The following LIMS1 variants were observed in gnomAD, a reference collection of about 807,000 sequenced individuals.
The protein encoded by LIMS1 is LIM and senescent cell antigen-like-containing domain protein 1.
LIMS1 carries 18 observed loss-of-function variants against 44.1 expected under a neutral mutation model. The ratio of observed to expected loss-of-function variants is 0.41; its 90% CI spans 0.28 to 0.61. The LOEUF (loss-of-function observed/expected upper bound fraction) is 0.61, where lower values mean the gene tolerates loss of function less well. LIMS1 is among the 20% of genes least tolerant of loss of function. The probability of loss-of-function intolerance (pLI) is 0.32; values close to 1 mark genes in which losing one functional copy is unlikely to be tolerated. For missense variants in LIMS1, 201 were observed against 422.0 expected (o/e 0.48, Z 4.59); for synonymous variants, 93 against 149.1 (o/e 0.62, Z 2.74).
At chr2:108,632,164 G>A (rs1688970203) in intron 1 of LIMS1, among the ~76,000 whole-genome samples, 1 of 152,082 alleles carries the variant, frequency 6.6e-6, no homozygotes, top group Non-Finnish European at 1.5e-5. Flanking sequence ...TAGTGACGAG[G>A]TTTCCCATTT....
At chr2:108,679,760 A>T (rs1380343478) in intron 8 of LIMS1, among the ~76,000 whole-genome samples, 3 of 151,646 alleles carry the variant, frequency 2.0e-5, no homozygotes, top group Admixed American at 6.6e-5. Context: ...TCTACAAAAT[A>T]AAAAATTAGC....
intron 1 of LIMS1, among the ~76,000 whole-genome samples, chr2:108,611,219 G>A (rs1051983384): frequency 6.6e-6 from 1 of 152,128 alleles, no homozygotes; most frequent in Non-Finnish European, 1.5e-5. Flanking sequence ...CATCACCTTT[G>A]AAATGGGAAT....
At chr2:108,542,167 C>T (rs1406732576) in intron 1 of LIMS1, among the ~76,000 whole-genome samples, 4 of 152,096 alleles carry the variant, frequency 2.6e-5, no homozygotes, top group African/African-American at 9.7e-5. Flanking sequence ...GGATCATTTT[C>T]TTTGGTTTAG....
chr2:108,596,949 C>G (rs1372063247), intron 1 of LIMS1, among the ~76,000 whole-genome samples: 2 of 94,246 alleles, frequency 2.1e-5, no homozygotes, highest in South Asian at 3.9e-4. Context: ...GAGTCTTGCT[C>G]TGTTGCTGAG....
At chr2:108,580,251 A>T (rs1412716863) in intron 1 of LIMS1, among the ~76,000 whole-genome samples, 1 of 152,090 alleles carries the variant, frequency 6.6e-6, no homozygotes, top group East Asian at 1.9e-4. Context: ...ACTTCCTCTA[A>T]CTGCAGGGTG....
At chr2:108,607,854 T>C (rs1158017739) in intron 1 of LIMS1, among the ~76,000 whole-genome samples, 1 of 152,184 alleles carries the variant, frequency 6.6e-6, no homozygotes, top group Non-Finnish European at 1.5e-5. Context: ...GTGATATTGG[T>C]CTCAGAGTTA....
At chr2:108,600,277 C>G (rs1184563054) in intron 1 of LIMS1, among the ~76,000 whole-genome samples, 3 of 151,422 alleles carry the variant, frequency 2.0e-5, no homozygotes, top group African/African-American at 7.3e-5. Context: ...TCTTGAACTC[C>G]TTACCTCAGG....
chr2:108,545,944 C>A (rs1263470507), intron 1 of LIMS1, among the ~76,000 whole-genome samples: 1 of 152,170 alleles, frequency 6.6e-6, no homozygotes, highest in Non-Finnish European at 1.5e-5. Flanking sequence ...ATTGCAGGTC[C>A]TAGCTGCTGT....
intron 1 of LIMS1, among the ~76,000 whole-genome samples, chr2:108,563,318 C>G (rs930787465): frequency 2.0e-5 from 3 of 152,210 alleles, no homozygotes; most frequent in African/African-American, 7.2e-5. Context: ...GGTGATTCCT[C>G]TAATGGATCT....
intron 1 of LIMS1, among the ~76,000 whole-genome samples, chr2:108,651,501 C>T (rs1387266070): frequency 1.3e-5 from 2 of 152,282 alleles, no homozygotes; most frequent in East Asian, 1.9e-4. Context: ...ACCTGTTTTA[C>T]ATTCATATAA....
Position 108,566,713 on chromosome 2 carries a change from C to T in LIMS1, c.32+32119C>T, listed in dbSNP as rs190052912. Among the ~76,000 whole-genome samples the T allele has an allele frequency of 4.6e-5, 7 of 152,220 alleles. No homozygotes were observed. In the South Asian group the frequency reaches 8.3e-4, roughly 18 times the overall value. Reference sequence around the variant, plus strand: ...CTGGGTTCAAGCGATTCTCCTGCCTCGGCCTCCCGAGTAGCTGGGATTACA... The same window carrying T: ...CTGGGTTCAAGCGATTCTCCTGCCTTGGCCTCCCGAGTAGCTGGGATTACA... On this transcript the variant is annotated intron_variant, in intron 1 of 9. Transcript: ENST00000544547.
intron 1 of LIMS1, among the ~76,000 whole-genome samples, chr2:108,539,463 G>A (rs1276282195): frequency 1.3e-5 from 2 of 152,188 alleles, no homozygotes; most frequent in Non-Finnish European, 2.9e-5. Flanking sequence ...TCCTAGTTCT[G>A]TCCCTTCATG....
In LIMS1 at chr2:108,611,854, T is replaced by TATATATACAC. The variant is rs771325535; in HGVS notation, c.33-47750_33-47749insTATATACACA. On this transcript the variant is annotated intron_variant, in intron 1 of 9. Coordinates refer to ENST00000544547, the Ensembl canonical transcript of LIMS1. ...GATCTAAAATATATATATATATATA[T>TATATATACAC]ACACACATATATATACACATATATA... Among the ~76,000 whole-genome samples the TATATATACAC allele has an allele frequency of 4.6e-4, 57 of 125,246 alleles. 1 individual carries two copies. Among genetic ancestry groups the TATATATACAC allele is most frequent in the Admixed American group, 1.8e-3 (21 of 11,774 alleles). The allele number at this position is 125,246 out of a possible 152,430, so 82.2% of individuals were successfully genotyped here.
intron 1 of LIMS1, among the ~76,000 whole-genome samples, chr2:108,601,118 G>T (rs567173341): frequency 4.7e-4 from 71 of 152,208 alleles, no homozygotes; most frequent in Non-Finnish European, 7.2e-4. Context: ...GATGCCTGAG[G>T]GGGGAAGAAA....
chr2:108,538,632 ACTTTCC>A (rs1684217317), intron 1 of LIMS1, among the ~76,000 whole-genome samples: 1 of 152,194 alleles, frequency 6.6e-6, no homozygotes, highest in Non-Finnish European at 1.5e-5. Context: ...GTTTACACAT[ACTTTCC>A]CTTTCTACAA....
In LIMS1 at chr2:108,663,514, G is replaced by A. The variant is rs143545345; in HGVS notation, c.192+3750G>A. 3.1e-3 allele frequency among the ~76,000 whole-genome samples: 472 copies of A among 152,256 alleles called. 1 individual carries two copies. Among genetic ancestry groups the A allele is most frequent in the African/African-American group, 0.011 (441 of 41,534 alleles). On this transcript the variant is annotated intron_variant, in intron 2 of 9. Transcript: ENST00000544547. ...AAGAAAATACTTTTGGGAGTGAAGC[G>A]GAGCCAACAGTTACAAGAGTGATTT...
intron 9 of LIMS1, among the ~76,000 whole-genome samples, chr2:108,682,090 T>C (rs1010797964): frequency 7.2e-5 from 11 of 152,224 alleles, no homozygotes; most frequent in Non-Finnish European, 1.5e-5. Flanking sequence ...TCTTTGAAAT[T>C]CTTTTGAATT....
In LIMS1 at chr2:108,551,491, GCACACACACA is replaced by G. The variant is rs67589132; in HGVS notation, c.32+16929_32+16938del. On this transcript the variant is annotated intron_variant, in intron 1 of 9. Transcript: ENST00000544547. ...TCTATATACATATATGCGCGCGCGC[GCACACACACA>G]CACACACACACACACACACACACAC... 7.9e-4 allele frequency among the ~76,000 whole-genome samples: 91 copies of G among 114,858 alleles called. 1 individual carries two copies. The highest frequency in any genetic ancestry group is 5.7e-3 in the South Asian group (21 of 3,654). The allele number at this position is 114,858 out of a possible 152,430, so 75.4% of individuals were successfully genotyped here.
In LIMS1 at chr2:108,639,003, A is replaced by T. The variant is rs572384795; in HGVS notation, c.33-20602A>T. 2.6e-5 allele frequency among the ~76,000 whole-genome samples: 4 copies of T among 152,194 alleles called. No homozygotes were observed. The East Asian group carries it at 7.7e-4, about 29-fold the overall frequency. On this transcript the variant is annotated intron_variant, in intron 1 of 9. Transcript: ENST00000544547. The stretch of plus-strand genomic sequence containing the variant: ...GCCTGCAGTGAGCATGGATCGCGCT[A>T]CTGCACTCCAGCGTGGGTGACAGAG...
Sources: allele counts gnomAD v4.1 joint callset (sites outside exome capture counted in the v4.1 genomes callset), GRCh38; gene constraint gnomAD v4.1.1; transcripts MANE v1.5; gene names NCBI Gene and HGNC (gene_info 2026-07-23, HGNC 2026-07-21).